The following LUZP2 variants were observed in gnomAD, a reference collection of about 807,000 sequenced individuals.
The protein encoded by LUZP2 is leucine zipper protein 2.
A neutral mutation model predicts 51.6 loss-of-function variants in LUZP2; 52 were observed. The ratio of observed to expected loss-of-function variants is 1.01; its 90% CI spans 0.81 to 1.27. The LOEUF is 1.27. Among genes scored for constraint, LUZP2 ranks in the 50% most tolerant of loss-of-function variants. The probability of loss-of-function intolerance (pLI) is 0.00; values close to 1 mark genes in which losing one functional copy is unlikely to be tolerated. For missense variants in LUZP2, 436 were observed against 395.4 expected (o/e 1.10, Z -0.87); for synonymous variants, 154 against 137.3 (o/e 1.12, Z -0.85).
intron 10 of LUZP2, among the ~76,000 whole-genome samples, chr11:25,067,533 A>T (rs1225547418): frequency 6.6e-6 from 1 of 151,684 alleles, no homozygotes; most frequent in African/African-American, 2.4e-5. Context: ...TAAGTTTTTC[A>T]TCCAAGAAGA....
At chr11:24,628,472 C>G (rs1388049813) in intron 1 of LUZP2, among the ~76,000 whole-genome samples, 2 of 151,854 alleles carry the variant, frequency 1.3e-5, no homozygotes, top group African/African-American at 2.4e-5. Flanking sequence ...TTTTCTTTTC[C>G]CGAGTTATGT....
At chr11:25,044,383 A>T (rs1476390036) in intron 9 of LUZP2, among the ~76,000 whole-genome samples, 5 of 150,636 alleles carry the variant, frequency 3.3e-5, no homozygotes. Flanking sequence ...AAATTCAGTT[A>T]TCATTCTGGT....
intron 7 of LUZP2, among the ~76,000 whole-genome samples, chr11:24,966,776 T>C (rs1839620329): frequency 6.8e-6 from 1 of 147,562 alleles, no homozygotes; most frequent in African/African-American, 2.5e-5. Context: ...ATAGTGGATA[T>C]AATATATTCA....
chr11:24,607,493 T>TA (rs1853968544), intron 1 of LUZP2, among the ~76,000 whole-genome samples: 1 of 152,020 alleles, frequency 6.6e-6, no homozygotes, highest in Non-Finnish European at 1.5e-5. Context: ...GACTTTTTTT[T>TA]ATATTCCATT....
chr11:24,574,196 TTC>T (rs1852536156), intron 1 of LUZP2, among the ~76,000 whole-genome samples: 9 of 140,006 alleles, frequency 6.4e-5, no homozygotes, highest in African/African-American at 1.1e-4. Flanking sequence ...CTTTCTTTCT[TTC>T]TCTTTCTTCC....
In LUZP2 at chr11:24,942,849, T is replaced by C. The variant is rs566759651; in HGVS notation, c.522+28311T>C. On this transcript the variant is annotated intron_variant, in intron 7 of 11. Coordinates refer to ENST00000336930, the MANE Select transcript of LUZP2 (RefSeq NM_001009909.4). The stretch of plus-strand genomic sequence containing the variant: ...TGTTTTCTTTTGGATGTTTCATATA[T>C]GTAGGCTATTGTGTTTACATCTATG... 5.9e-5 allele frequency among the ~76,000 whole-genome samples: 9 copies of C among 152,344 alleles called. No homozygotes were observed. In the East Asian group the frequency reaches 1.7e-3, roughly 29 times the overall value.
At chr11:24,689,129 A>T (rs924995951) in intron 1 of LUZP2, among the ~76,000 whole-genome samples, 9 of 152,162 alleles carry the variant, frequency 5.9e-5, no homozygotes, top group Non-Finnish European at 1.2e-4. Context: ...AGTAAAGTAC[A>T]CTTGTAAGAG....
chr11:24,985,464 C>T (rs966757019), intron 9 of LUZP2, among the ~76,000 whole-genome samples: 4 of 151,708 alleles, frequency 2.6e-5, no homozygotes, highest in East Asian at 1.9e-4. Context: ...CTGCATTTTG[C>T]GTAAAACGAC....
At chr11:24,585,406 AAGTGAATT>A (rs1853030059) in intron 1 of LUZP2, among the ~76,000 whole-genome samples, 1 of 152,178 alleles carries the variant, frequency 6.6e-6, no homozygotes, top group Non-Finnish European at 1.5e-5. Flanking sequence ...GTCAAGTCTG[AAGTGAATT>A]TTATATCTTT....
rs552030330 is a variant in LUZP2 at position 25,002,999 on chromosome 11, G to A, written c.765+19706G>A. Among the ~76,000 whole-genome samples, 5 of 152,318 alleles carry A rather than the reference G, an allele frequency of 3.3e-5. No homozygotes were observed. The East Asian group carries it at 9.7e-4, about 29-fold the overall frequency. On this transcript the variant is annotated intron_variant, in intron 9 of 11. Coordinates refer to ENST00000336930, the MANE Select transcript of LUZP2 (RefSeq NM_001009909.4). ...TTTTAATGTCTTAGGGTGAGAATAA[G>A]CCAGTATAGGCTGTATTCATTCCTT... is the stretch of plus-strand genomic sequence containing the variant.
chr11:24,697,390 A>G (rs1857282643), intron 1 of LUZP2, among the ~76,000 whole-genome samples: 1 of 152,146 alleles, frequency 6.6e-6, no homozygotes, highest in Admixed American at 6.6e-5. Context: ...TATAAACTTC[A>G]TTTTTTAACA....
intron 5 of LUZP2, among the ~76,000 whole-genome samples, chr11:24,866,774 T>C (rs1851911509): frequency 6.6e-6 from 1 of 152,192 alleles, no homozygotes; most frequent in African/African-American, 2.4e-5. Flanking sequence ...GTGACATTTG[T>C]GCTAGACTTT....
chr11:24,779,153 C>G (rs1223747909), intron 5 of LUZP2, among the ~76,000 whole-genome samples: 1 of 152,080 alleles, frequency 6.6e-6, no homozygotes, highest in Non-Finnish European at 1.5e-5. Context: ...TTTACATTAA[C>G]TATGTTAACT....
At chr11:25,047,546 C>T (rs1047005767) in intron 9 of LUZP2, among the ~76,000 whole-genome samples, 10 of 151,940 alleles carry the variant, frequency 6.6e-5, no homozygotes. Context: ...TCTTCAGTTT[C>T]TATATTTCAG....
chr11:25,038,433 C>G lies in LUZP2; in HGVS notation c.766-11605C>G, dbSNP rs1180262778. ...AAGTCTACATAACAACCAGCAACAA[C>G]AGGATGAAAGAGTCAAAATCACACA... On this transcript the variant is annotated intron_variant, in intron 9 of 11. Transcript: ENST00000336930. 2.6e-5 allele frequency among the ~76,000 whole-genome samples: 4 copies of G among 152,346 alleles called. No homozygotes were observed. In the East Asian group the frequency reaches 7.7e-4, roughly 29 times the overall value.
intron 10 of LUZP2, among the ~76,000 whole-genome samples, chr11:25,065,079 C>T (rs192273627): frequency 1.2e-4 from 19 of 152,100 alleles, no homozygotes; most frequent in South Asian, 2.1e-4. Context: ...ACACAATTCA[C>T]TTAGTGAATT....
At chr11:24,762,919 A>G (rs1385725915) in intron 4 of LUZP2, 2 of 869,700 alleles carry the variant, frequency 2.3e-6, no homozygotes, top group Admixed American at 6.2e-5. Flanking sequence ...TCTAGAATCT[A>G]TTTTTTCTTT....
intron 9 of LUZP2, among the ~76,000 whole-genome samples, chr11:24,985,665 C>A (rs2197546): frequency 4.0e-5 from 6 of 151,306 alleles, no homozygotes; most frequent in African/African-American, 7.3e-5. Flanking sequence ...GAATAAAAGT[C>A]CTTGCATTCA....
At chr11:24,701,291 T>A (rs1383113118) in intron 1 of LUZP2, 7 of 164,962 alleles carry the variant, frequency 4.2e-5, no homozygotes, top group African/African-American at 1.7e-4. Context: ...AAGAGGAAGG[T>A]CAGTTCAGCT....
Sources: allele counts gnomAD v4.1 joint callset (sites outside exome capture counted in the v4.1 genomes callset), GRCh38; gene constraint gnomAD v4.1.1; transcripts MANE v1.5; gene names NCBI Gene and HGNC (gene_info 2026-07-23, HGNC 2026-07-21).